The following PRRC2C variants were observed in gnomAD, a reference collection of about 807,000 sequenced individuals.
The protein encoded by PRRC2C is protein PRRC2C.
PRRC2C carries 72 observed loss-of-function variants against 317.2 expected under a neutral mutation model. The ratio of observed to expected loss-of-function variants is 0.23; its 90% CI spans 0.19 to 0.28. PRRC2C has a LOEUF of 0.28. Among genes scored for constraint, PRRC2C ranks in the 10% least tolerant of loss-of-function variants. PRRC2C has a pLI of 1.00. For synonymous variants in PRRC2C, 1,296 were observed against 1,205.9 expected, an observed-to-expected ratio of 1.07 and a Z score of -1.55; for missense variants, 3,074 against 3,459.7, an observed-to-expected ratio of 0.89 and a Z score of 2.80.
intron 28 of PRRC2C, among the ~76,000 whole-genome samples, chr1:171,580,264 T>C (rs1648220926): frequency 6.6e-6 from 1 of 152,216 alleles, no homozygotes; most frequent in African/African-American, 2.4e-5. Context: ...ATGTGTGCCA[T>C]CTGGCTACCA....
At chr1:171,551,833 G>A (rs923167505) in intron 18 of PRRC2C, among the ~76,000 whole-genome samples, 1 of 152,136 alleles carries the variant, frequency 6.6e-6, no homozygotes, top group African/African-American at 2.4e-5. Flanking sequence ...CTCTGTTTTG[G>A]TACCAGTACC....
At chr1:171,588,596 A>G in intron 33 of PRRC2C, 91 bp downstream of exon 33, 7 of 1,339,828 alleles carry the variant, frequency 5.2e-6, no homozygotes, top group Non-Finnish European at 7.2e-6. Flanking sequence ...TTAACCAGTT[A>G]AGAAGTACAG....
rs201824959 is a variant in PRRC2C at position 171,587,690 on chromosome 1, A to G, written c.8011A>G (p.Ile2671Val). The change falls in exon 32 of 35, where the codon ATA (isoleucine) becomes GTA (valine). Residue 2671 changes from isoleucine (I) to valine (V), a missense_variant. Ile to Val is a conservative substitution (Grantham distance 29). Around this residue, in one of 11 missense-constraint regions of PRRC2C, gnomAD observed 490 missense variants for 663.1 expected, o/e 0.74. Coordinates refer to ENST00000647382, the MANE Select transcript of PRRC2C (RefSeq NM_001387844.1). ...ELKAFGSGID[I>V]KPGTPPIAGR... is the part of the protein sequence containing the mutation. ...AAAAGCCTTTGGAAGTGGCATTGAT[A>G]TAAAACCAGGCACACCTCCAATCGC... is the stretch of plus-strand genomic sequence containing the variant. The G allele has an allele frequency of 1.2e-4, 193 of 1,613,458 alleles. 1 individual carries two copies. The highest frequency in any genetic ancestry group is 1.4e-4 in the Non-Finnish European group (163 of 1,179,550).
chr1:171,496,774 CGTGTGTGT>C (rs71688813), intron 1 of PRRC2C, among the ~76,000 whole-genome samples: 3,217 of 146,868 alleles, frequency 0.022, 39 homozygotes, highest in East Asian at 0.039. Context: ...ACATTTGGGG[CGTGTGTGT>C]GTGTGTGTGT....
intron 1 of PRRC2C, among the ~76,000 whole-genome samples, chr1:171,494,396 C>T (rs557332479): frequency 6.6e-6 from 1 of 152,246 alleles, no homozygotes; most frequent in Non-Finnish European, 1.5e-5. Flanking sequence ...TTTTGCCGAA[C>T]TGCTATTTGT....
chr1:171,524,998 C>G, intron 10 of PRRC2C, 33 bp downstream of exon 10: 1 of 1,512,494 alleles, frequency 6.6e-7, no homozygotes, highest in Non-Finnish European at 9.0e-7. Context: ...CTTGTTATTG[C>G]AAGGATCTCC....
At chr1:171,517,137 A>G (rs917362076) in intron 5 of PRRC2C, among the ~76,000 whole-genome samples, 4 of 152,174 alleles carry the variant, frequency 2.6e-5, no homozygotes, top group South Asian at 2.1e-4. Flanking sequence ...ATTTCACGCA[A>G]TCTGTTCACT....
chr1:171,587,359 C>T, intron 31 of PRRC2C, 138 bp downstream of exon 31: 2 of 823,952 alleles, frequency 2.4e-6, no homozygotes, highest in South Asian at 1.9e-5. Flanking sequence ...AGTATATTTA[C>T]ATTTTATCTA....
At chr1:171,578,751 T>C (rs1380232670) in intron 26 of PRRC2C, among the ~76,000 whole-genome samples, 8 of 152,040 alleles carry the variant, frequency 5.3e-5, no homozygotes, top group African/African-American at 1.7e-4. Flanking sequence ...ACTCAGCTGC[T>C]CAGGTAGCTG....
chr1:171,517,134 G>A (rs939155402), intron 5 of PRRC2C, among the ~76,000 whole-genome samples: 7 of 152,082 alleles, frequency 4.6e-5, no homozygotes, highest in African/African-American at 1.7e-4. Context: ...ATAATTTCAC[G>A]CAATCTGTTC....
chr1:171,525,426 G>A (rs1223129039), intron 10 of PRRC2C, among the ~76,000 whole-genome samples: 1 of 152,148 alleles, frequency 6.6e-6, no homozygotes, highest in Non-Finnish European at 1.5e-5. Flanking sequence ...GTGTGCAACA[G>A]ATATTTGATC....
chr1:171,591,646 G>A lies in PRRC2C; in HGVS notation c.8496G>A (p.Gln2832=). 1.2e-6 allele frequency: 2 copies of A among 1,613,910 alleles called. No homozygotes were observed. The highest frequency in any genetic ancestry group is 1.7e-6 in the Non-Finnish European group (2 of 1,179,870). ...STQRFFSEQQ[Q]SKQIGGGKAQ... ...AACGGTTCTTCTCTGAACAGCAACAGAGCAAACAGATAGGAGGAGGCAAAG... is the reference window on the plus strand; with the variant it reads ...AACGGTTCTTCTCTGAACAGCAACAAAGCAAACAGATAGGAGGAGGCAAAG... Residue 2832 remains glutamine (Q), a synonymous_variant, in exon 35 of 35, where the codon CAG becomes CAA. Transcript: ENST00000647382.
At position 171,584,035 on chromosome 1, in the gene PRRC2C, A is replaced by G. The variant is rs1170788939; in HGVS notation, c.7489A>G (p.Thr2497Ala). 1.2e-6 allele frequency: 2 copies of G among 1,613,950 alleles called. No individual in the cohort carries two copies. Among genetic ancestry groups the G allele is most frequent in the Non-Finnish European group, 1.7e-6 (2 of 1,179,860 alleles). ...TGGTACTGCTATTCACAACTTTCCA[A>G]CTGTCCAACACCAAGAACTTGCCAA... is the stretch of plus-strand genomic sequence containing the variant. Reference protein sequence around the residue: ...LSGTAIHNFPTVQHQELAKAQ... With the variant: ...LSGTAIHNFPAVQHQELAKAQ... Residue 2497 changes from threonine to alanine, a missense_variant, in exon 29 of 35, where the codon ACT becomes GCT. Thr to Ala is a moderately conservative substitution (Grantham distance 58, BLOSUM62 0). Coordinates refer to ENST00000647382, the MANE Select transcript of PRRC2C (RefSeq NM_001387844.1).
At chr1:171,508,371 G>A (rs962839356) in intron 1 of PRRC2C, among the ~76,000 whole-genome samples, 7 of 152,188 alleles carry the variant, frequency 4.6e-5, no homozygotes, top group Non-Finnish European at 8.8e-5. Context: ...ACTTTGTCAC[G>A]TGGTTTTCTG....
chr1:171,587,663 C>T lies in PRRC2C; in HGVS notation c.7984C>T (p.Leu2662=). The change falls in exon 32 of 35, where the codon CTA becomes TTA. Residue 2662 remains leucine, a synonymous_variant. Transcript: ENST00000647382. ...ATTGKMSEME[L]KAFGSGIDIK... is the part of the protein sequence containing the mutation. ...TTCTCCTCAGATGTCTGAAATGGAA[C>T]TAAAAGCCTTTGGAAGTGGCATTGA... 1 of 1,610,476 alleles carries T rather than the reference C, an allele frequency of 6.2e-7. No homozygotes were observed. The highest frequency in any genetic ancestry group is 8.5e-7 in the Non-Finnish European group (1 of 1,176,952).
chr1:171,578,399 A>G (rs1185423075), intron 26 of PRRC2C, among the ~76,000 whole-genome samples: 1 of 152,116 alleles, frequency 6.6e-6, no homozygotes, highest in Non-Finnish European at 1.5e-5. Context: ...AAAAAATTTT[A>G]AACATTAGCT....
intron 11 of PRRC2C, among the ~76,000 whole-genome samples, chr1:171,528,375 G>A (rs1374346279): frequency 6.7e-6 from 1 of 149,908 alleles, no homozygotes; most frequent in Admixed American, 6.7e-5. Flanking sequence ...TGCAACCTCT[G>A]CCTCCTGGGT....
At chr1:171,546,860 C>T (rs535694400) in intron 17 of PRRC2C, among the ~76,000 whole-genome samples, 1 of 152,166 alleles carries the variant, frequency 6.6e-6, no homozygotes, top group South Asian at 2.1e-4. Flanking sequence ...TTAAGCCATC[C>T]ACCCACCTTG....
At chr1:171,531,260 T>A (rs1218518445) in intron 11 of PRRC2C, among the ~76,000 whole-genome samples, 1 of 152,198 alleles carries the variant, frequency 6.6e-6, no homozygotes, top group Admixed American at 6.5e-5. Context: ...GTTACACAGG[T>A]GTATCATTTG....
Sources: gnomAD v4.1 joint callset for allele counts (sites outside exome capture counted in the v4.1 genomes callset) on GRCh38, gnomAD v4.1.1 for gene constraint, gnomAD v4.1.1 regional missense constraint, MANE v1.5 for transcripts, NCBI Gene and HGNC (gene_info 2026-07-23, HGNC 2026-07-21) for gene names.